GPHN: variants seen among roughly 807,000 people sequenced by gnomAD.
GPHN encodes the protein gephyrin.
A neutral mutation model predicts 95.5 loss-of-function variants in GPHN; 17 were observed. The observed-to-expected ratio is 0.18, with a 90% CI of 0.12 to 0.27. GPHN has a LOEUF of 0.27. GPHN is among the 10% of genes least tolerant of loss of function. GPHN has a pLI of 1.00. For missense variants in GPHN, 660 were observed against 978.1 expected (o/e 0.67, Z 4.34); for synonymous variants, 320 against 322.5 (o/e 0.99, Z 0.08).
chr14:67,306,637 G>C, the GPHN span, among the ~76,000 whole-genome samples: 1 of 152,056 alleles, frequency 6.6e-6, no homozygotes, highest in East Asian at 1.9e-4. Flanking sequence ...CCAAGTGCTG[G>C]GATTACAGGC....
At chr14:67,571,023 C>G in the GPHN span, 1 of 152,306 alleles carries the variant, frequency 6.6e-6, no homozygotes, top group African/African-American at 2.4e-5. Context: ...TGCCTGGCCC[C>G]TACCTCCTCC....
At chr14:67,674,364 C>T in the GPHN span, 1 of 1,584,236 alleles carries the variant, frequency 6.3e-7, no homozygotes, top group Non-Finnish European at 8.6e-7. Flanking sequence ...CGTGGCCCAC[C>T]CCCGCCTCAC....
intron 13 of GPHN, 72 bp from the exon 14 acceptor site, chr14:67,110,068 T>A: frequency 2.2e-6 from 3 of 1,353,482 alleles, no homozygotes; most frequent in South Asian, 2.4e-5. Context: ...ATTAAAAAAA[T>A]TAACATCCTC....
At chr14:66,593,699 C>A (rs149055321) in intron 1 of GPHN, among the ~76,000 whole-genome samples, 2 of 152,244 alleles carry the variant, frequency 1.3e-5, no homozygotes, top group African/African-American at 4.8e-5. Context: ...CAATATACCA[C>A]AAGCCCATAG....
At chr14:67,341,754 T>TG in the GPHN span, among the ~76,000 whole-genome samples, 10 of 152,110 alleles carry the variant, frequency 6.6e-5, no homozygotes, top group Non-Finnish European at 1.5e-4. Context: ...GGGGGAAAGG[T>TG]GGGGAAAAGA....
intron 8 of GPHN, among the ~76,000 whole-genome samples, chr14:66,940,723 T>A (rs1353936728): frequency 6.6e-6 from 1 of 152,210 alleles, no homozygotes; most frequent in African/African-American, 2.4e-5. Flanking sequence ...TCTGGATTCC[T>A]CAGATCTAGT....
intron 8 of GPHN, among the ~76,000 whole-genome samples, chr14:66,950,687 C>T (rs1194184667): frequency 2.0e-5 from 3 of 152,016 alleles, no homozygotes; most frequent in African/African-American, 7.2e-5. Context: ...GTTTTCATTA[C>T]TGAAATGTTT....
intron 2 of GPHN, among the ~76,000 whole-genome samples, chr14:66,746,706 C>A (rs1210546415): frequency 2.0e-5 from 3 of 152,006 alleles, no homozygotes; most frequent in Non-Finnish European, 4.4e-5. Flanking sequence ...GAAATTGTTT[C>A]TTTCTGCAGT....
intron 3 of GPHN, among the ~76,000 whole-genome samples, chr14:66,805,089 G>T (rs980791185): frequency 6.6e-6 from 1 of 152,170 alleles, no homozygotes. Flanking sequence ...AAATAAGTTT[G>T]TTGGACTTAC....
chr14:67,424,171 C>T, the GPHN span, among the ~76,000 whole-genome samples: 3 of 151,956 alleles, frequency 2.0e-5, no homozygotes, highest in Non-Finnish European at 2.9e-5. Flanking sequence ...ACCCGGGAGA[C>T]GGAGTTTGTG....
At chr14:66,686,283 G>T (rs2153401476) in intron 2 of GPHN, among the ~76,000 whole-genome samples, 2 of 152,246 alleles carry the variant, frequency 1.3e-5, no homozygotes, top group South Asian at 4.1e-4. Flanking sequence ...ATTCTGTGAA[G>T]AAAGTCATGG....
chr14:66,590,733 G>T (rs914160894), intron 1 of GPHN, among the ~76,000 whole-genome samples: 3 of 152,146 alleles, frequency 2.0e-5, no homozygotes, highest in African/African-American at 7.2e-5. Flanking sequence ...GTACAAAGAG[G>T]AGCTGGTACC....
At chr14:66,703,094 A>G (rs2068717276) in intron 2 of GPHN, among the ~76,000 whole-genome samples, 1 of 152,226 alleles carries the variant, frequency 6.6e-6, no homozygotes, top group Admixed American at 6.5e-5. Context: ...GAGTAGAGAT[A>G]AAAGAATGAA....
At chr14:67,310,075 A>C in the GPHN span, among the ~76,000 whole-genome samples, 1 of 148,336 alleles carries the variant, frequency 6.7e-6, no homozygotes, top group Admixed American at 6.7e-5. Context: ...TTTTTTTTTT[A>C]AAGAAAACAT....
intron 3 of GPHN, among the ~76,000 whole-genome samples, chr14:66,815,035 G>A (rs1044372356): frequency 6.6e-6 from 1 of 152,090 alleles, no homozygotes; most frequent in Admixed American, 6.5e-5. Flanking sequence ...ATTAATAGCA[G>A]AATAGAACAA....
chr14:67,508,394 A>G, the GPHN span, among the ~76,000 whole-genome samples: 2 of 152,172 alleles, frequency 1.3e-5, no homozygotes, highest in Non-Finnish European at 2.9e-5. Flanking sequence ...TATCTTGTCC[A>G]AATGATAAGA....
the GPHN span, chr14:67,653,426 A>T: frequency 3.7e-6 from 6 of 1,613,044 alleles, no homozygotes; most frequent in Non-Finnish European, 1.7e-6. Context: ...CATGACTTTA[A>T]TAAAACTTAC....
At chr14:67,574,362 CG>C in the GPHN span, 2 of 1,592,420 alleles carry the variant, frequency 1.3e-6, no homozygotes, top group Non-Finnish European at 1.7e-6. The surrounding 1 kb of genome is among the most constrained non-coding windows in gnomAD (Gnocchi z 4.2). Context: ...AGCTCTGCTT[CG>C]GGGTGGCACC....
At chr14:67,376,075 T>G in the GPHN span, among the ~76,000 whole-genome samples, 1 of 152,222 alleles carries the variant, frequency 6.6e-6, no homozygotes, top group African/African-American at 2.4e-5. Flanking sequence ...CGTGATTCTC[T>G]CCTCAGGGAG....
Sources: allele counts gnomAD v4.1 joint callset (sites outside exome capture counted in the v4.1 genomes callset), GRCh38; gene constraint gnomAD v4.1.1; non-coding constraint Gnocchi (gnomAD v3.1); transcripts MANE v1.5; gene names NCBI Gene and HGNC (gene_info 2026-07-23, HGNC 2026-07-21).